Variants in HTR2C observed in about 807,000 individuals in gnomAD.
HTR2C encodes 5-hydroxytryptamine receptor 2C.
Under a neutral mutation model 21.0 loss-of-function variants are expected in HTR2C, and 5 were observed. The observed-to-expected ratio is 0.24, with a 90% confidence interval of 0.12 to 0.50. The LOEUF is 0.50. Among genes scored for constraint, HTR2C ranks in the 20% least tolerant of loss-of-function variants. The pLI is 0.98. For synonymous variants in HTR2C, 150 were observed against 145.3 expected (o/e 1.03, Z -0.23); for missense variants, 271 against 371.2 (o/e 0.73, Z 2.22).
rs2070847578 is a variant in HTR2C at position 114,843,147 on chromosome X, GGACTT to G, written c.350-4855_350-4851del. ...CTGATCATGAGGAAGCCCAAGCATTGGACTTAATAGACAAAGACTTTACATCAACT... is the reference window on the plus strand; with the variant it reads ...CTGATCATGAGGAAGCCCAAGCATTGAATAGACAAAGACTTTACATCAACT... On this transcript the variant is annotated intron_variant, in intron 4 of 5. Coordinates refer to ENST00000276198, the MANE Select transcript of HTR2C (RefSeq NM_000868.4). Among the ~76,000 whole-genome samples, 3 of 111,672 alleles carry G rather than the reference GGACTT, an allele frequency of 2.7e-5. No individual in the cohort carries two copies. In the South Asian group the frequency reaches 1.1e-3, roughly 41 times the overall value.
At chrX:114,795,382 G>T (rs2147418999) in intron 4 of HTR2C, among the ~76,000 whole-genome samples, 1 of 110,723 alleles carries the variant, frequency 9.0e-6, no homozygotes, top group African/African-American at 3.3e-5. Flanking sequence ...GATCCCATTT[G>T]TCAATTTTGG....
At chrX:114,807,447 CAT>C (rs1239547099) in intron 4 of HTR2C, among the ~76,000 whole-genome samples, 1 of 40,328 alleles carries the variant, frequency 2.5e-5, no homozygotes, top group Non-Finnish European at 4.9e-5. Context: ...ATATATATAC[CAT>C]ATATATACGC....
At chrX:114,776,104 G>T in intron 4 of HTR2C, 1 of 479,630 alleles carries the variant, frequency 2.1e-6, no homozygotes, top group Non-Finnish European at 3.7e-6. Context: ...CACCCAAGTG[G>T]ATGTCTCCAG....
At chrX:114,765,346 T>C (rs2069937064) in intron 4 of HTR2C, among the ~76,000 whole-genome samples, 2 of 111,545 alleles carry the variant, frequency 1.8e-5, no homozygotes, top group African/African-American at 6.5e-5. Context: ...TAACAAGTAC[T>C]ATAATAGCTA....
chrX:114,789,860 C>A (rs1231825241), intron 4 of HTR2C, among the ~76,000 whole-genome samples: 2 of 111,467 alleles, frequency 1.8e-5, no homozygotes, highest in African/African-American at 6.5e-5. Context: ...GACAAAGCAC[C>A]TGTAACAGTG....
chrX:114,699,582 AATT>A (rs1393470074), intron 2 of HTR2C, among the ~76,000 whole-genome samples: 2 of 112,030 alleles, frequency 1.8e-5, no homozygotes, highest in African/African-American at 6.5e-5. Context: ...TATCAGCATG[AATT>A]ATTTTCTTTA....
chrX:114,587,132 A>G (rs1281495537), intron 1 of HTR2C, among the ~76,000 whole-genome samples: 1 of 111,991 alleles, frequency 8.9e-6, no homozygotes, highest in African/African-American at 3.2e-5. Context: ...AAAAATTAAA[A>G]CAAAATTTGG....
intron 4 of HTR2C, among the ~76,000 whole-genome samples, chrX:114,770,364 C>A (rs996039367): frequency 1.8e-5 from 2 of 111,280 alleles, no homozygotes; most frequent in Non-Finnish European, 3.8e-5. Context: ...GTCTCACAGG[C>A]CTTTGAGGCT....
chrX:114,767,692 T>C (rs1556435659), intron 4 of HTR2C, among the ~76,000 whole-genome samples: 1 of 107,900 alleles, frequency 9.3e-6, no homozygotes, highest in East Asian at 2.8e-4. Flanking sequence ...GTATATAAAA[T>C]ATATATAATG....
rs782349007 is a variant in HTR2C, at chrX:114,760,683, AT to A, written c.349+29085del. On this transcript the variant is annotated intron_variant, in intron 4 of 5. Transcript: ENST00000276198. Reference sequence around the variant, plus strand: ...AGGCATGTGACACCATGCTCTGCTAATTTTTTTTTATTATTTATTTGTAGAG... The same window carrying A: ...AGGCATGTGACACCATGCTCTGCTAATTTTTTTTATTATTTATTTGTAGAG... Among the ~76,000 whole-genome samples the A allele has an allele frequency of 8.2e-5, 9 of 109,317 alleles. No homozygotes were observed. In the East Asian group the frequency reaches 1.7e-3, roughly 21 times the overall value. The allele number at this position is 109,317 out of a possible 115,157, so 94.9% of individuals were successfully genotyped here.
chrX:114,676,162 G>A (rs1556412620), intron 2 of HTR2C, among the ~76,000 whole-genome samples: 3 of 111,281 alleles, frequency 2.7e-5, no homozygotes, highest in Non-Finnish European at 5.7e-5. Context: ...GAGCCACCGC[G>A]CTCAGCCTTT....
chrX:114,783,926 A>C (rs2070145270), intron 4 of HTR2C, among the ~76,000 whole-genome samples: 1 of 111,134 alleles, frequency 9.0e-6, no homozygotes, highest in African/African-American at 3.3e-5. Flanking sequence ...GATGAATCTA[A>C]AGCAGTGTTT....
intron 5 of HTR2C, among the ~76,000 whole-genome samples, chrX:114,897,524 C>G (rs2071305669): frequency 9.0e-6 from 1 of 111,458 alleles, no homozygotes; most frequent in Non-Finnish European, 1.9e-5. Flanking sequence ...GTATTAAGCT[C>G]AGCATCCATT....
rs1343603755 is a variant in HTR2C at position 114,743,176 on chromosome X, G to A, written c.349+11569G>A. On this transcript the variant is annotated intron_variant, in intron 4 of 5. Transcript: ENST00000276198. ...CCAAGTCTTTGCTATTGTGAATAGT[G>A]CCGCAATAAACATACGTGTGCATGT... 3.5e-5 allele frequency among the ~76,000 whole-genome samples: 3 copies of A among 86,228 alleles called. 1 individual carries two copies. Among genetic ancestry groups the A allele is most frequent in the Non-Finnish European group, 4.5e-5 (2 of 44,675 alleles). 74.9% of individuals were successfully genotyped at this position (86,228 alleles called of 115,157 possible).
chrX:114,668,945 G>T (rs1556411254), intron 2 of HTR2C, among the ~76,000 whole-genome samples: 1 of 110,896 alleles, frequency 9.0e-6, no homozygotes, highest in East Asian at 2.8e-4. Context: ...GATTATTTTT[G>T]AAATAAGTGA....
intron 1 of HTR2C, among the ~76,000 whole-genome samples, chrX:114,602,569 T>G (rs2147795357): frequency 1.2e-5 from 1 of 81,273 alleles, no homozygotes; most frequent in South Asian, 5.8e-4. Flanking sequence ...AAGGTTTCAC[T>G]GAATACTAAG....
intron 2 of HTR2C, among the ~76,000 whole-genome samples, chrX:114,638,724 G>T (rs1556405846): frequency 1.2e-5 from 1 of 84,061 alleles, no homozygotes; most frequent in African/African-American, 4.6e-5. Flanking sequence ...CCCTTCCTGT[G>T]TCCATGTGTT....
intron 1 of HTR2C, chrX:114,590,004 A>G (rs1362923422): frequency 6.3e-6 from 1 of 157,506 alleles, no homozygotes; most frequent in Non-Finnish European, 1.2e-5. Flanking sequence ...TTTATCATAT[A>G]TCAGGAAGGT....
chrX:114,704,784 A>T (rs1180050139), intron 2 of HTR2C, among the ~76,000 whole-genome samples: 7 of 109,519 alleles, frequency 6.4e-5, no homozygotes, highest in Non-Finnish European at 1.9e-5. Context: ...TTTGCAGATG[A>T]CATGATTGTA....
Sources: gnomAD v4.1 joint callset for allele counts (sites outside exome capture counted in the v4.1 genomes callset) on GRCh38, gnomAD v4.1.1 for gene constraint, MANE v1.5 for transcripts, NCBI Gene and HGNC (gene_info 2026-07-23, HGNC 2026-07-21) for gene names.